Variants in SOAT1 observed in about 807,000 individuals in gnomAD.
The protein encoded by SOAT1 is acyl-coenzyme A:cholesterol acyltransferase 1.
In SOAT1, 55 loss-of-function variants were observed where a neutral mutation model predicts 69.5. The ratio of observed to expected loss-of-function variants is 0.79; its 90% CI spans 0.64 to 0.99. The LOEUF is 0.99. SOAT1 is among the 50% of genes least tolerant of loss of function. The probability of loss-of-function intolerance (pLI) is 0.00; values close to 1 mark genes in which losing one functional copy is unlikely to be tolerated. For synonymous variants in SOAT1, 231 were observed against 224.7 expected (o/e 1.03, Z -0.25); for missense variants, 580 against 669.3 (o/e 0.87, Z 1.47).
rs946719122 is a variant in SOAT1 at position 179,300,865 on chromosome 1, G to A, written c.-8-1812G>A. 1.6e-4 allele frequency among the ~76,000 whole-genome samples: 25 copies of A among 152,232 alleles called. 3 individuals carry two copies. The highest frequency in any genetic ancestry group is 1.6e-3 in the Admixed American group (24 of 15,274). Reference sequence around the variant, plus strand: ...AATCCCAGCACTTTGGGAGGCTGAGGCGGGCGGATAACTTGAGGTCAGAAG... The same window carrying A: ...AATCCCAGCACTTTGGGAGGCTGAGACGGGCGGATAACTTGAGGTCAGAAG... On this transcript the variant is annotated intron_variant, in intron 1 of 15. Transcript: ENST00000367619.
rs1666360767 is a variant in SOAT1, at chr1:179,342,166, T to C, written c.833T>C (p.Val278Ala). 2 of 1,613,498 alleles carry C rather than the reference T, an allele frequency of 1.2e-6. No homozygotes were observed. The highest frequency in any genetic ancestry group is 2.7e-5 in the African/African-American group (2 of 74,994). The change falls in exon 8 of 16, where the codon GTA (valine) becomes GCA (alanine). Residue 278 changes from valine (V) to alanine (A), a missense_variant. Val to Ala is a moderately conservative substitution (Grantham distance 64). Coordinates refer to ENST00000367619, the MANE Select transcript of SOAT1 (RefSeq NM_003101.6). ...TTTGTCAGAGAGAACGTGCCTCGGG[T>C]ACTAAATTCAGCTAAGGAGAAATCA... ...HSFVRENVPRVLNSAKEKSST... is the reference protein window; with the variant it reads ...HSFVRENVPRALNSAKEKSST...
rs1275194965 is a variant in SOAT1, at chr1:179,356,465, CTTTTTTTTTTTTT to C, written c.*2837_*2849del. On this transcript the variant is annotated 3_prime_UTR_variant, in exon 16 of 16. Transcript: ENST00000367619. ...AATTTAATTAGAAAACTGAGGCTGCCTTTTTTTTTTTTTTTTTTTTTTTTTAAGACAGAGTCTT... is the reference window on the plus strand; with the variant it reads ...AATTTAATTAGAAAACTGAGGCTGCCTTTTTTTTTTTTAAGACAGAGTCTT... 3.3e-5 allele frequency: 2 copies of C among 60,442 alleles called. No individual in the cohort carries two copies. The highest frequency in any genetic ancestry group is 5.9e-5 in the Non-Finnish European group (2 of 33,798). 3.7% of individuals were successfully genotyped at this position (60,442 alleles called of 1,614,324 possible). A position where few individuals can be genotyped will look rare whatever the true frequency, so the allele number is the denominator to read the frequency against.
rs1332796352 is a variant in SOAT1 at position 179,341,014 on chromosome 1, C to T, written c.498-14C>T. On this transcript the variant is annotated splice_polypyrimidine_tract_variant and intron_variant, in intron 6 of 15. Transcript: ENST00000367619. ...TTCACCTCTATGTTCTTTTTCTGTA[C>T]CTTTTCTCCCCAGGCTGGTGCTTGA... 6.2e-7 allele frequency: 1 copy of T among 1,610,076 alleles called. No individual in the cohort carries two copies. Among genetic ancestry groups the T allele is most frequent in the Admixed American group, 1.7e-5 (1 of 59,230 alleles).
chr1:179,295,903 C>T (rs921411814), intron 1 of SOAT1, among the ~76,000 whole-genome samples: 2 of 50,372 alleles, frequency 4.0e-5, no homozygotes, highest in African/African-American at 1.4e-4. Flanking sequence ...CGGGTTCAAG[C>T]GATTCTCCGC....
intron 2 of SOAT1, 86 bp downstream of exon 2, chr1:179,302,888 A>G: frequency 2.9e-6 from 2 of 685,356 alleles, no homozygotes; most frequent in Non-Finnish European, 4.8e-6. Flanking sequence ...CATCTCTTTA[A>G]TTCTTTATTG....
intron 6 of SOAT1, 97 bp from the exon 7 acceptor site, chr1:179,340,931 G>A (rs555774854): frequency 1.8e-6 from 2 of 1,088,894 alleles, no homozygotes; most frequent in African/African-American, 3.1e-5. Context: ...TGTTTCCTAA[G>A]GTTGAAAGTT....
At chr1:179,319,764 G>A (rs1174538928) in intron 2 of SOAT1, among the ~76,000 whole-genome samples, 4 of 152,072 alleles carry the variant, frequency 2.6e-5, no homozygotes, top group East Asian at 1.9e-4. Context: ...CTACAAGTGC[G>A]CATCCCACGC....
intron 3 of SOAT1, among the ~76,000 whole-genome samples, chr1:179,330,380 G>A (rs1396560594): frequency 6.6e-6 from 1 of 152,176 alleles, no homozygotes; most frequent in African/African-American, 2.4e-5. Context: ...TTCTATAATA[G>A]TGATGTTCTC....
At chr1:179,302,025 C>CTTT (rs5779019) in intron 1 of SOAT1, among the ~76,000 whole-genome samples, 5 of 141,930 alleles carry the variant, frequency 3.5e-5, no homozygotes, top group African/African-American at 1.3e-4. Flanking sequence ...CTATTTAATC[C>CTTT]TTTTTTTTTT....
chr1:179,348,466 G>A (rs1666607225), intron 12 of SOAT1, among the ~76,000 whole-genome samples: 2 of 152,020 alleles, frequency 1.3e-5, no homozygotes, highest in Admixed American at 1.3e-4. Context: ...ACTCTCTCTG[G>A]TCTTCATGAC....
rs1666685487 is a variant in SOAT1 at position 179,350,434 on chromosome 1, A to C, written c.1450+3A>C. 1 of 1,613,502 alleles carries C rather than the reference A, an allele frequency of 6.2e-7. No individual in the cohort carries two copies. The highest frequency in any genetic ancestry group is 2.2e-5 in the East Asian group (1 of 44,854). On this transcript the variant is annotated splice_donor_region_variant and intron_variant, in intron 14 of 15. Transcript: ENST00000367619. ...CGTGCTCTTCATGTTCTTTGGAAGT[A>C]AGTATCTTGGTATGCTGTGAGTACT...
At chr1:179,330,429 T>C (rs1571434496) in intron 3 of SOAT1, among the ~76,000 whole-genome samples, 1 of 152,292 alleles carries the variant, frequency 6.6e-6, no homozygotes, top group Admixed American at 6.5e-5. Flanking sequence ...CTTGTGACTT[T>C]GGGTACAGTA....
intron 2 of SOAT1, among the ~76,000 whole-genome samples, chr1:179,320,826 C>A (rs1372314954): frequency 6.6e-6 from 1 of 152,104 alleles, no homozygotes; most frequent in African/African-American, 2.4e-5. Flanking sequence ...GCTTCCACCT[C>A]CCAGGTTCAA....
intron 2 of SOAT1, among the ~76,000 whole-genome samples, chr1:179,317,569 T>C (rs994379181): frequency 3.4e-5 from 5 of 149,224 alleles, no homozygotes; most frequent in African/African-American, 1.2e-4. Context: ...TATTACCATG[T>C]AGAGTAAATA....
intron 1 of SOAT1, among the ~76,000 whole-genome samples, chr1:179,296,934 G>A (rs930415077): frequency 1.3e-5 from 2 of 152,130 alleles, no homozygotes; most frequent in Non-Finnish European, 2.9e-5. Context: ...ATGTAATTGC[G>A]TGCACAGATT....
intron 2 of SOAT1, among the ~76,000 whole-genome samples, chr1:179,304,647 C>T (rs1341254154): frequency 1.3e-5 from 2 of 151,960 alleles, no homozygotes; most frequent in Non-Finnish European, 2.9e-5. Flanking sequence ...CCCTTCTCTT[C>T]CTTTTTCCTT....
intron 3 of SOAT1, among the ~76,000 whole-genome samples, chr1:179,324,288 C>T (rs1438434675): frequency 1.3e-5 from 2 of 152,080 alleles, no homozygotes; most frequent in Non-Finnish European, 1.5e-5. Context: ...TTGTTATTAT[C>T]AGACCTAGTT....
intron 2 of SOAT1, 111 bp downstream of exon 2, chr1:179,302,913 TAG>T (rs1664883524): frequency 1.1e-5 from 6 of 559,458 alleles, no homozygotes; most frequent in Admixed American, 3.1e-5. Context: ...TGGGTATTGA[TAG>T]AGTTTTATAT....
At position 179,344,177 on chromosome 1, in the gene SOAT1, A is replaced by T. The variant is rs1320742759; in HGVS notation, c.987+542A>T. ...ATTCTAATTGGTTATTTCAGTAAGCATTAATTTCCCCCTTCCTTCCTGTTT... is the reference window on the plus strand; with the variant it reads ...ATTCTAATTGGTTATTTCAGTAAGCTTTAATTTCCCCCTTCCTTCCTGTTT... On this transcript the variant is annotated intron_variant, in intron 10 of 15. Transcript: ENST00000367619. 2.6e-5 allele frequency among the ~76,000 whole-genome samples: 4 copies of T among 152,200 alleles called. No homozygotes were observed. The East Asian group carries it at 7.7e-4, about 29-fold the overall frequency.
Sources: allele counts gnomAD v4.1 joint callset (sites outside exome capture counted in the v4.1 genomes callset), GRCh38; gene constraint gnomAD v4.1.1; transcripts MANE v1.5; gene names NCBI Gene and HGNC (gene_info 2026-07-23, HGNC 2026-07-21).